The following ZSCAN5A variants were observed in gnomAD, a reference collection of about 807,000 sequenced individuals.
ZSCAN5A encodes the protein zinc finger and SCAN domain containing 5A.
A neutral mutation model predicts 23.7 loss-of-function variants in ZSCAN5A; 12 were observed. The observed-to-expected ratio is 0.51, with a 90% CI of 0.32 to 0.82. The LOEUF is 0.82. ZSCAN5A is among the 40% of genes least tolerant of loss of function. The pLI is 0.03. For synonymous variants in ZSCAN5A, 257 were observed against 239.9 expected (o/e 1.07, Z -0.66); for missense variants, 597 against 617.9 (o/e 0.97, Z 0.36).
At chr19:56,270,033 T>C (rs1339366127) in intron 2 of ZSCAN5A, among the ~76,000 whole-genome samples, 4 of 152,020 alleles carry the variant, frequency 2.6e-5, no homozygotes, top group Non-Finnish European at 5.9e-5. Flanking sequence ...TGTCTGTGAT[T>C]CTAACTGATT....
Position 56,302,658 on chromosome 19 carries a change from CCT to C in ZSCAN5A, c.-128+10623_-128+10624del, listed in dbSNP as rs370654240. Among the ~76,000 whole-genome samples the C allele has an allele frequency of 2.3e-3, 279 of 120,876 alleles. 2 individuals carry two copies. The East Asian group carries it at 0.024, about 10-fold the overall frequency. The allele number at this position is 120,876 out of a possible 152,430, so 79.3% of individuals were successfully genotyped here. ...CTCCCTTCCTTTTCTTCCCCCCCTC[CCT>C]GTTCTTTCCTTCCTCCTTCCCTCCT... On this transcript the variant is annotated intron_variant, in intron 2 of 5. Transcript: ENST00000683990.
intron 2 of ZSCAN5A, chr19:56,354,691 G>T (rs1478576468): frequency 6.6e-6 from 1 of 152,242 alleles, no homozygotes; most frequent in East Asian, 1.9e-4. Context: ...AGCAGGTTTA[G>T]AGAGTCAGAA....
chr19:56,344,969 T>C (rs1177085897), intron 2 of ZSCAN5A, among the ~76,000 whole-genome samples: 1 of 121,096 alleles, frequency 8.3e-6, no homozygotes, highest in Non-Finnish European at 1.8e-5. Flanking sequence ...GCCAGGCGTG[T>C]TGGCAGGCAC....
rs896225025 is a variant in ZSCAN5A, at chr19:56,231,429, G to A, written c.-127-6256C>T. Reference sequence around the variant, plus strand: ...AGAAAATAATGCCTTCTCTAAGAATGCGTGACCAACCACCATCCTTCCCTC... The same window carrying A: ...AGAAAATAATGCCTTCTCTAAGAATACGTGACCAACCACCATCCTTCCCTC... On this transcript the variant is annotated intron_variant, in intron 2 of 5. Coordinates refer to ENST00000683990, the MANE Select transcript of ZSCAN5A (RefSeq NM_001322064.3). Among the ~76,000 whole-genome samples the A allele has an allele frequency of 9.2e-5, 14 of 152,130 alleles. 1 individual carries two copies. The highest frequency in any genetic ancestry group is 3.4e-4 in the African/African-American group (14 of 41,418).
At chr19:56,302,166 G>A in intron 2 of ZSCAN5A, 2 of 1,158,954 alleles carry the variant, frequency 1.7e-6, no homozygotes, top group Non-Finnish European at 2.2e-6. Flanking sequence ...TGGGGGCACA[G>A]AGGAAGCGAA....
chr19:56,295,509 C>T (rs1389904236), intron 2 of ZSCAN5A, among the ~76,000 whole-genome samples: 1 of 152,002 alleles, frequency 6.6e-6, no homozygotes, highest in Non-Finnish European at 1.5e-5. Flanking sequence ...GCAGGAGAAT[C>T]GCTTGAACCC....
chr19:56,308,617 C>T (rs1406861420), intron 2 of ZSCAN5A, among the ~76,000 whole-genome samples: 1 of 151,238 alleles, frequency 6.6e-6, no homozygotes, highest in Non-Finnish European at 1.5e-5. Context: ...AGCCACCACG[C>T]CCCCCCATAT....
intron 2 of ZSCAN5A, chr19:56,246,772 A>C: frequency 6.3e-7 from 1 of 1,598,014 alleles, no homozygotes; most frequent in Non-Finnish European, 8.6e-7. Flanking sequence ...ACCCAAAAAA[A>C]GAGCCTCTGT....
intron 4 of ZSCAN5A, among the ~76,000 whole-genome samples, chr19:56,223,382 C>T (rs2033507676): frequency 6.6e-6 from 1 of 152,200 alleles, no homozygotes; most frequent in Non-Finnish European, 1.5e-5. Flanking sequence ...AAACTGCCTC[C>T]CTCATTTCAC....
chr19:56,350,142 A>C (rs567378653), intron 2 of ZSCAN5A, among the ~76,000 whole-genome samples: 28 of 152,372 alleles, frequency 1.8e-4, no homozygotes, highest in African/African-American at 6.5e-4. Context: ...AACAGGATTA[A>C]TAATTGCAGG....
chr19:56,281,684 C>A lies in ZSCAN5A; in HGVS notation c.-128+31599G>T, dbSNP rs2038717636. ...ATTCACTGGCTCCTGGCTCTGCTGC[C>A]CCTTCCAGTCAACTGTAAGTCATAT... On this transcript the variant is annotated intron_variant, in intron 2 of 5. Transcript: ENST00000683990. 1.1e-5 allele frequency: 11 copies of A among 985,184 alleles called. No individual in the cohort carries two copies. The South Asian group carries it at 4.7e-4, about 42-fold the overall frequency. The allele number at this position is 985,184 out of a possible 1,614,324, so 61.0% of individuals were successfully genotyped here. A position where few individuals can be genotyped will look rare whatever the true frequency, so the allele number is the denominator to read the frequency against.
rs556095700 is a variant in ZSCAN5A at position 56,331,736 on chromosome 19, C to T, written c.-357-15468G>A. On this transcript the variant is annotated intron_variant, in intron 2 of 6. Transcript: ENST00000587340. Reference sequence around the variant, plus strand: ...CTGAGTAGCTGACATTACAGGCACCCGCCATCATGCCCGGCTAATTTTTGT... The same window carrying T: ...CTGAGTAGCTGACATTACAGGCACCTGCCATCATGCCCGGCTAATTTTTGT... Among the ~76,000 whole-genome samples, 28 of 151,614 alleles carry T rather than the reference C, an allele frequency of 1.8e-4. No individual in the cohort carries two copies. In the East Asian group the frequency reaches 4.9e-3, roughly 26 times the overall value.
chr19:56,250,693 C>T (rs897871705), intron 2 of ZSCAN5A, among the ~76,000 whole-genome samples: 1 of 152,186 alleles, frequency 6.6e-6, no homozygotes, highest in African/African-American at 2.4e-5. Context: ...GAATGCTACA[C>T]TAAGTGTTTT....
At chr19:56,315,821 G>A (rs1412087441), upstream of ZSCAN5A, 1 of 152,208 alleles carries the variant, frequency 6.6e-6, no homozygotes, top group Non-Finnish European at 1.5e-5. Context: ...TAAAATTTAG[G>A]TGGTGGTTGT....
In ZSCAN5A at chr19:56,282,562, T is replaced by C. The variant is rs892790413; in HGVS notation, c.-128+30721A>G. ...GTTTGCCTTTGTCCAAAAGGGATCA[T>C]TGCTGCTGAACTTCGACTTACGTTT... On this transcript the variant is annotated intron_variant, in intron 2 of 5. Coordinates refer to ENST00000683990, the MANE Select transcript of ZSCAN5A (RefSeq NM_001322064.3). The C allele has an allele frequency of 2.5e-5, 24 of 956,862 alleles. No individual in the cohort carries two copies. The African/African-American group carries it at 3.4e-4, about 13-fold the overall frequency. The allele number at this position is 956,862 out of a possible 1,614,324, so 59.3% of individuals were successfully genotyped here. A position where few individuals can be genotyped will look rare whatever the true frequency, so the allele number is the denominator to read the frequency against.
chr19:56,363,911 C>T lies in ZSCAN5A; in HGVS notation c.-521-513G>A, dbSNP rs571220950. ...CATAGTAGTTTGGAAAATTTGCAAC[C>T]TGGCCATGTGGTAGAAGAGAAAAGC... On this transcript the variant is annotated intron_variant, in intron 1 of 6. Transcript: ENST00000587340. Among the ~76,000 whole-genome samples the T allele has an allele frequency of 2.0e-5, 3 of 152,284 alleles. No individual in the cohort carries two copies. The South Asian group carries it at 6.2e-4, about 32-fold the overall frequency.
intron 2 of ZSCAN5A, among the ~76,000 whole-genome samples, chr19:56,301,355 C>A (rs1325591373): frequency 6.6e-6 from 1 of 152,070 alleles, no homozygotes; most frequent in South Asian, 2.1e-4. Flanking sequence ...AGTAGGGGAA[C>A]TTCCTGAAGT....
At chr19:56,278,680 G>A (rs1017061301) in intron 2 of ZSCAN5A, among the ~76,000 whole-genome samples, 2 of 152,242 alleles carry the variant, frequency 1.3e-5, no homozygotes, top group Non-Finnish European at 2.9e-5. Context: ...GGCCAGTAGT[G>A]TGGCTCAGTC....
At chr19:56,235,445 G>T (rs1399194284) in intron 2 of ZSCAN5A, among the ~76,000 whole-genome samples, 1 of 53,528 alleles carries the variant, frequency 1.9e-5, no homozygotes, top group African/African-American at 7.9e-5. Context: ...AGCCTCTGAT[G>T]GACGGTGGGC....
Sources: allele counts gnomAD v4.1 joint callset (sites outside exome capture counted in the v4.1 genomes callset), GRCh38; gene constraint gnomAD v4.1.1; transcripts MANE v1.5; gene names NCBI Gene and HGNC (gene_info 2026-07-23, HGNC 2026-07-21).